SNX25: variants seen among roughly 807,000 people sequenced by gnomAD.
SNX25 encodes sorting nexin-25.
A neutral mutation model predicts 113.7 loss-of-function variants in SNX25; 62 were observed. The ratio of observed to expected loss-of-function variants is 0.55; its 90% CI spans 0.44 to 0.67. The LOEUF (loss-of-function observed/expected upper bound fraction) is 0.67, where lower values mean the gene tolerates loss of function less well. Ranked by LOEUF, SNX25 falls within the 30% of genes least tolerant of loss-of-function variation. The pLI is 0.00. For synonymous variants in SNX25, 421 were observed against 436.2 expected (o/e 0.97, Z 0.43); for missense variants, 1,014 against 1,161.0 (o/e 0.87, Z 1.84).
At chr4:185,353,271 A>G in intron 14 of SNX25, 3 of 429,436 alleles carry the variant, frequency 7.0e-6, no homozygotes, top group Non-Finnish European at 1.2e-5. Context: ...ATTTTTTTTT[A>G]AATTAGCTTA....
At chr4:185,377,937 C>T in the SNX25 span, 1 of 658,924 alleles carries the variant, frequency 1.5e-6, no homozygotes, top group East Asian at 2.9e-5. Context: ...TTCACAGATT[C>T]TTGCGGGAAA....
chr4:185,235,766 G>A (rs1446422175), intron 1 of SNX25, among the ~76,000 whole-genome samples: 1 of 152,194 alleles, frequency 6.6e-6, no homozygotes, highest in Non-Finnish European at 1.5e-5. Flanking sequence ...TGGGATTGGT[G>A]TACACACCCG....
Position 185,323,750 on chromosome 4 carries a change from A to C in SNX25, c.1699A>C (p.Lys567Gln), listed in dbSNP as rs371436770. The change falls in exon 9 of 19, where the codon AAA becomes CAA. Residue 567 changes from lysine to glutamine, a missense_variant. Lys to Gln is a moderately conservative substitution (Grantham distance 53). Transcript: ENST00000652585. ...TGACCTGTATGAGAAATTGTTGATA[A>C]AAGAGGAAGAAAAACATGCCTCACA... ...VSDLYEKLLIKEEEKHASQMI... is the reference protein window; with the variant it reads ...VSDLYEKLLIQEEEKHASQMI... 12 of 1,613,674 alleles carry C rather than the reference A, an allele frequency of 7.4e-6. No individual in the cohort carries two copies. The highest frequency in any genetic ancestry group is 6.7e-5 in the Admixed American group (4 of 59,980).
chr4:185,325,145 A>G (rs938206610), intron 9 of SNX25, among the ~76,000 whole-genome samples: 2 of 152,174 alleles, frequency 1.3e-5, no homozygotes, highest in African/African-American at 2.4e-5. Flanking sequence ...ACTAGGCCCA[A>G]TTGATTGAGA....
chr4:185,338,278 GTT>G (rs1167262761), intron 10 of SNX25, among the ~76,000 whole-genome samples: 1 of 139,222 alleles, frequency 7.2e-6, no homozygotes, highest in East Asian at 2.0e-4. Flanking sequence ...TATTCTGTGT[GTT>G]TTTTTTTTTT....
intron 17 of SNX25, chr4:185,362,360 A>G (rs2095368887): frequency 3.1e-6 from 3 of 982,456 alleles, no homozygotes; most frequent in South Asian, 9.4e-5. Flanking sequence ...TTGAGAGCTT[A>G]ATTTTTAGCA....
intron 9 of SNX25, among the ~76,000 whole-genome samples, chr4:185,329,330 G>A (rs573838429): frequency 6.6e-6 from 1 of 152,294 alleles, no homozygotes; most frequent in East Asian, 1.9e-4. Context: ...GCTCAGTGGA[G>A]AGGATGTGGG....
intron 1 of SNX25, among the ~76,000 whole-genome samples, chr4:185,243,011 A>G (rs1235046691): frequency 3.3e-5 from 5 of 152,178 alleles, no homozygotes; most frequent in African/African-American, 1.2e-4. Context: ...ATAGGAAAAA[A>G]GAACTGTTTT....
rs551852986 is a variant in SNX25, at chr4:185,210,955, A to C, written c.429+700A>C. 5.3e-4 allele frequency among the ~76,000 whole-genome samples: 81 copies of C among 152,256 alleles called. No homozygotes were observed. Among genetic ancestry groups the C allele is most frequent in the South Asian group, 1.2e-3 (6 of 4,830 alleles). On this transcript the variant is annotated intron_variant, in intron 1 of 18. Transcript: ENST00000652585. This position sits in a 1 kb window ranked among gnomAD's most constrained non-coding sequence, Gnocchi z 4.4. ...TTTTAAATGAGCGCTTCTCTTCTTCAGTGCCAAACCCACTGCCCCATCTTT... is the reference window on the plus strand; with the variant it reads ...TTTTAAATGAGCGCTTCTCTTCTTCCGTGCCAAACCCACTGCCCCATCTTT...
intron 9 of SNX25, among the ~76,000 whole-genome samples, chr4:185,327,396 AT>A (rs2095164034): frequency 2.0e-5 from 3 of 152,234 alleles, no homozygotes; most frequent in Non-Finnish European, 4.4e-5. Context: ...CATTTGTTGT[AT>A]GAATTCCCTT....
chr4:185,328,116 A>G (rs2095169343), intron 9 of SNX25, among the ~76,000 whole-genome samples: 1 of 152,196 alleles, frequency 6.6e-6, no homozygotes, highest in Non-Finnish European at 1.5e-5. Context: ...ATTGCACACA[A>G]CACATGTATA....
chr4:185,213,154 T>C (rs2111479441), intron 1 of SNX25, among the ~76,000 whole-genome samples: 1 of 152,356 alleles, frequency 6.6e-6, no homozygotes, highest in Non-Finnish European at 1.5e-5. Flanking sequence ...AATTGACACC[T>C]TTTGTTATCA....
chr4:185,312,197 CACA>C (rs1369672705), intron 7 of SNX25, among the ~76,000 whole-genome samples: 1 of 152,046 alleles, frequency 6.6e-6, no homozygotes, highest in Non-Finnish European at 1.5e-5. Context: ...ATTGAGGGCC[CACA>C]ACATCTCAGT....
At chr4:185,378,595 A>G in the SNX25 span, 1 of 996,836 alleles carries the variant, frequency 1.0e-6, no homozygotes, top group African/African-American at 1.7e-5. Flanking sequence ...CTTGTAACTG[A>G]CACTCATCGG....
At chr4:185,229,760 G>GT (rs1491196551) in intron 1 of SNX25, among the ~76,000 whole-genome samples, 3 of 152,154 alleles carry the variant, frequency 2.0e-5, no homozygotes, top group Non-Finnish European at 4.4e-5. Context: ...CCAAGAATGG[G>GT]TTTATTTATC....
intron 1 of SNX25, among the ~76,000 whole-genome samples, chr4:185,240,308 G>A (rs534945670): frequency 8.0e-4 from 121 of 151,424 alleles, no homozygotes; most frequent in Admixed American, 1.7e-3. Context: ...GGTGGTGGCC[G>A]GGCAGAGGGG....
intron 7 of SNX25, among the ~76,000 whole-genome samples, chr4:185,319,414 G>C (rs2095102494): frequency 6.7e-6 from 1 of 149,620 alleles, no homozygotes; most frequent in African/African-American, 2.5e-5. Context: ...GGTCAGGCTG[G>C]TCTTGAACTC....
the SNX25 span, chr4:185,378,272 T>A: frequency 5.4e-4 from 844 of 1,573,274 alleles, 4 homozygotes; most frequent in African/African-American, 0.01. Flanking sequence ...AAAGAGAGAC[T>A]CTATTCCCAC....
At chr4:185,248,468 A>G (rs1489154680) in intron 2 of SNX25, among the ~76,000 whole-genome samples, 2 of 151,906 alleles carry the variant, frequency 1.3e-5, no homozygotes, top group South Asian at 4.2e-4. Flanking sequence ...CCTGGGCAAC[A>G]TGGTGAAACT....
Sources: gnomAD v4.1 joint callset for allele counts (sites outside exome capture counted in the v4.1 genomes callset) on GRCh38, gnomAD v4.1.1 for gene constraint, Gnocchi (gnomAD v3.1) non-coding constraint, MANE v1.5 for transcripts, NCBI Gene and HGNC (gene_info 2026-07-23, HGNC 2026-07-21) for gene names.